Variants in MAGI2 observed in about 807,000 individuals in gnomAD.
MAGI2 encodes membrane-associated guanylate kinase, WW and PDZ domain-containing protein 2.
Under a neutral mutation model 133.3 loss-of-function variants are expected in MAGI2, and 35 were observed. That is an observed-to-expected ratio of 0.26 (90% CI 0.20 to 0.35). The LOEUF is 0.35. Ranked by LOEUF, MAGI2 falls within the 10% of genes least tolerant of loss-of-function variation. The pLI, the probability that MAGI2 is intolerant of heterozygous loss-of-function variation, is 1.00. For missense variants in MAGI2, 1,636 were observed against 1,863.4 expected (o/e 0.88, Z 2.25); for synonymous variants, 729 against 710.6 (o/e 1.03, Z -0.41).
At chr7:78,465,183 A>G (rs959277718) in intron 6 of MAGI2, among the ~76,000 whole-genome samples, 1 of 152,180 alleles carries the variant, frequency 6.6e-6, no homozygotes, top group Non-Finnish European at 1.5e-5. Flanking sequence ...CTTCACATAC[A>G]CACACATATG....
intron 1 of MAGI2, among the ~76,000 whole-genome samples, chr7:79,020,600 T>C (rs956140756): frequency 6.6e-6 from 1 of 151,556 alleles, no homozygotes. Context: ...CCCCATCTCT[T>C]CTAAAAATAC....
At chr7:78,614,420 A>G (rs1806842660) in intron 3 of MAGI2, 1 of 152,208 alleles carries the variant, frequency 6.6e-6, no homozygotes. Flanking sequence ...TAATGCACCA[A>G]TAGTTTTACA....
chr7:79,359,709 CACACAG>C (rs891315360), intron 1 of MAGI2, among the ~76,000 whole-genome samples: 1 of 140,034 alleles, frequency 7.1e-6, no homozygotes, highest in African/African-American at 2.7e-5. Flanking sequence ...CACACACACA[CACACAG>C]AAAACAAAAA....
chr7:78,520,555 C>A (rs1234027047), intron 4 of MAGI2, among the ~76,000 whole-genome samples: 1 of 151,488 alleles, frequency 6.6e-6, no homozygotes, highest in African/African-American at 2.4e-5. Context: ...TTTTTTAATG[C>A]CCACTGCTAT....
At chr7:78,374,138 CT>C (rs1294064111) in intron 6 of MAGI2, among the ~76,000 whole-genome samples, 1 of 152,130 alleles carries the variant, frequency 6.6e-6, no homozygotes, top group Admixed American at 6.6e-5. Context: ...GCTTACTCAC[CT>C]AGTAGTTCTA....
chr7:79,029,446 A>G (rs1315713827), intron 1 of MAGI2, among the ~76,000 whole-genome samples: 1 of 151,892 alleles, frequency 6.6e-6, no homozygotes, highest in Non-Finnish European at 1.5e-5. Context: ...CCCAAACCCA[A>G]CCTGTAATCT....
chr7:79,149,048 A>G (rs1822930307), intron 1 of MAGI2, among the ~76,000 whole-genome samples: 1 of 143,986 alleles, frequency 6.9e-6, no homozygotes, highest in Admixed American at 7.1e-5. Flanking sequence ...GTATATATAT[A>G]TATAATATAA....
rs571490179 is a variant in MAGI2 at position 79,193,560 on chromosome 7, C to T, written c.302-186354G>A. 7.0e-4 allele frequency among the ~76,000 whole-genome samples: 106 copies of T among 151,814 alleles called. 1 individual carries two copies. Among genetic ancestry groups the T allele is most frequent in the African/African-American group, 2.5e-3 (103 of 41,320 alleles). ...GTATTTACATTTAAAACTGGCATTGCACAATGTAAAAATGAATGGTAAAAT... is the reference window on the plus strand; with the variant it reads ...GTATTTACATTTAAAACTGGCATTGTACAATGTAAAAATGAATGGTAAAAT... On this transcript the variant is annotated intron_variant, in intron 1 of 21. Transcript: ENST00000354212.
intron 2 of MAGI2, among the ~76,000 whole-genome samples, chr7:78,949,735 C>T (rs1801713180): frequency 6.6e-6 from 1 of 152,120 alleles, no homozygotes. Flanking sequence ...GTTTGAAATA[C>T]AACCATCCAG....
intron 20 of MAGI2, among the ~76,000 whole-genome samples, chr7:78,124,557 A>C (rs1047075806): frequency 6.6e-6 from 1 of 152,154 alleles, no homozygotes; most frequent in African/African-American, 2.4e-5. Context: ...ATCAGGGAAA[A>C]TTGGTTGGTG....
At chr7:78,929,974 T>C (rs1394669764) in intron 2 of MAGI2, among the ~76,000 whole-genome samples, 2 of 152,200 alleles carry the variant, frequency 1.3e-5, no homozygotes, top group African/African-American at 4.8e-5. Context: ...TCAAGACAAT[T>C]TGACTTCCTT....
intron 1 of MAGI2, among the ~76,000 whole-genome samples, chr7:79,098,980 G>T (rs540263830): frequency 4.5e-4 from 68 of 152,208 alleles, no homozygotes; most frequent in Middle Eastern, 3.4e-3. Flanking sequence ...AAATGTAAGA[G>T]AACATATTTT....
intron 9 of MAGI2, among the ~76,000 whole-genome samples, chr7:78,282,107 ATATAAAC>A (rs1795664184): frequency 6.6e-6 from 1 of 152,176 alleles, no homozygotes; most frequent in South Asian, 2.1e-4. Context: ...GGAAGGTATT[ATATAAAC>A]TATAAAGCAT....
intron 10 of MAGI2, among the ~76,000 whole-genome samples, chr7:78,229,600 G>A (rs1170055263): frequency 6.6e-6 from 1 of 152,232 alleles, no homozygotes; most frequent in Non-Finnish European, 1.5e-5. Context: ...GTCCTGCAAG[G>A]ACACTGAGCC....
intron 2 of MAGI2, among the ~76,000 whole-genome samples, chr7:78,839,966 C>G (rs1017864162): frequency 6.6e-6 from 1 of 152,082 alleles, no homozygotes; most frequent in Non-Finnish European, 1.5e-5. Flanking sequence ...CACAGGGACA[C>G]TTTTCTTTTA....
intron 10 of MAGI2, among the ~76,000 whole-genome samples, chr7:78,232,522 G>T (rs141762407): frequency 2.0e-5 from 3 of 152,186 alleles, no homozygotes; most frequent in Non-Finnish European, 4.4e-5. Flanking sequence ...CATTTGGTGT[G>T]TGCGGGTAAG....
chr7:78,844,451 A>C (rs138047743), intron 2 of MAGI2, among the ~76,000 whole-genome samples: 214 of 152,098 alleles, frequency 1.4e-3, no homozygotes, highest in Non-Finnish European at 2.5e-3. Flanking sequence ...GAATATCCAT[A>C]CAATGGAGTA....
chr7:78,516,004 C>T lies in MAGI2; in HGVS notation c.754+5426G>A, dbSNP rs77735677. Among the ~76,000 whole-genome samples the T allele has an allele frequency of 2.2e-3, 334 of 152,216 alleles. 3 individuals are homozygous for T. Among genetic ancestry groups the T allele is most frequent in the African/African-American group, 6.9e-3 (286 of 41,530 alleles). ...CAACAAGTACCAGGCTAATACCTTC[C>T]AAACACATGAAAAGTGCAAATTGTA... On this transcript the variant is annotated intron_variant, in intron 4 of 21. Transcript: ENST00000354212.
intron 6 of MAGI2, among the ~76,000 whole-genome samples, chr7:78,371,893 A>G (rs1793953770): frequency 6.6e-6 from 1 of 152,102 alleles, no homozygotes; most frequent in Non-Finnish European, 1.5e-5. Flanking sequence ...ACTTTGAGGC[A>G]AAATTATACA....
Sources: gnomAD v4.1 joint callset for allele counts (sites outside exome capture counted in the v4.1 genomes callset) on GRCh38, gnomAD v4.1.1 for gene constraint, MANE v1.5 for transcripts, NCBI Gene and HGNC (gene_info 2026-07-23, HGNC 2026-07-21) for gene names.